Variants in CDR2 observed in about 807,000 individuals in gnomAD.
CDR2 encodes cerebellar degeneration-related protein 2.
In CDR2, 34 loss-of-function variants were observed where a neutral mutation model predicts 48.4. The ratio of observed to expected loss-of-function variants is 0.70; its 90% CI spans 0.53 to 0.94. The LOEUF is 0.94. Ranked by LOEUF, CDR2 falls within the 40% of genes least tolerant of loss-of-function variation. The probability of loss-of-function intolerance (pLI) is 0.00; values close to 1 mark genes in which losing one functional copy is unlikely to be tolerated. For synonymous variants in CDR2, 240 were observed against 219.7 expected, an observed-to-expected ratio of 1.09 and a Z score of -0.82; for missense variants, 498 against 549.5, an observed-to-expected ratio of 0.91 and a Z score of 0.94.
At position 22,347,739 on chromosome 16, in the gene CDR2, G is replaced by C. The variant is rs756234545; in HGVS notation, c.591C>G (p.His197Gln). The C allele has an allele frequency of 1.9e-6, 3 of 1,614,084 alleles. No individual in the cohort carries two copies. Among genetic ancestry groups the C allele is most frequent in the Non-Finnish European group, 2.5e-6 (3 of 1,180,028 alleles). Residue 197 changes from histidine (H) to glutamine (Q), a missense_variant, in exon 5 of 5, where the codon CAC becomes CAG. Coordinates refer to ENST00000268383, the MANE Select transcript of CDR2 (RefSeq NM_001802.2). ...GCAACATTGTCACTGTTTTTTTCAA[G>C]TGCTCATTTTCCTCTTCATCAGGGC... ...QPSPDEEENE[H>Q]LKKTVTMLQA...
In CDR2 at chr16:22,349,438, G is replaced by C; in HGVS notation, c.347C>G (p.Thr116Ser). 1 of 1,614,152 alleles carries C rather than the reference G, an allele frequency of 6.2e-7. No homozygotes were observed. The highest frequency in any genetic ancestry group is 8.5e-7 in the Non-Finnish European group (1 of 1,180,030). Residue 116 changes from threonine (T) to serine (S), a missense_variant, in exon 4 of 5, where the codon ACT (threonine) becomes AGT (serine). Physicochemically the swap from Thr to Ser is moderately conservative, Grantham distance 58. Coordinates refer to ENST00000268383, the MANE Select transcript of CDR2 (RefSeq NM_001802.2). ...GGTTTGCAGGCATTCAATCGTTTCAGTCAGGCTGTGAGGAACAGACAGAAG... is the reference window on the plus strand; with the variant it reads ...GGTTTGCAGGCATTCAATCGTTTCACTCAGGCTGTGAGGAACAGACAGAAG... ...KASQQKILSL[T>S]ETIECLQTNI...
At chr16:22,371,888 TG>T (rs1247220805) in intron 1 of CDR2, among the ~76,000 whole-genome samples, 1 of 149,386 alleles carries the variant, frequency 6.7e-6, no homozygotes. Context: ...GTGTGTGTTT[TG>T]AGAGGGAGTT....
chr16:22,370,850 A>G (rs1364852586), intron 1 of CDR2, among the ~76,000 whole-genome samples: 1 of 152,238 alleles, frequency 6.6e-6, no homozygotes, highest in East Asian at 1.9e-4. Flanking sequence ...CAATCTATTC[A>G]GAGCATGGCT....
intron 4 of CDR2, 67 bp from the exon 5 acceptor site, chr16:22,347,890 T>C (rs2048918316): frequency 2.1e-6 from 3 of 1,424,306 alleles, no homozygotes; most frequent in Non-Finnish European, 2.8e-6. Context: ...GGAAGACTGG[T>C]GATTTTTTTT....
rs1043074212 is a variant in CDR2 at position 22,346,197 on chromosome 16, T to A, written c.*768A>T. On this transcript the variant is annotated 3_prime_UTR_variant, in exon 5 of 5. Transcript: ENST00000268383. ...AGGTAGGAAGGGAAGGGGTTTGATC[T>A]TTCCCCTTTAGTTTGAATTTGAGAA... The A allele has an allele frequency of 6.6e-6, 1 of 152,424 alleles. No homozygotes were observed. The highest frequency in any genetic ancestry group is 1.5e-5 in the Non-Finnish European group (1 of 68,036). The allele number at this position is 152,424 out of a possible 1,614,324, so 9.4% of individuals were successfully genotyped here.
intron 1 of CDR2, among the ~76,000 whole-genome samples, chr16:22,369,341 G>C (rs182431976): frequency 2.0e-5 from 3 of 150,192 alleles, no homozygotes; most frequent in South Asian, 2.1e-4. Context: ...ACCTCTCCCA[G>C]AATCCAGACT....
chr16:22,373,698 TAC>T (rs1224616290), intron 1 of CDR2, among the ~76,000 whole-genome samples: 2 of 152,224 alleles, frequency 1.3e-5, no homozygotes, highest in African/African-American at 2.4e-5. Context: ...CACAAATATA[TAC>T]ACCTACCATG....
chr16:22,368,654 A>G (rs552850411), intron 1 of CDR2, among the ~76,000 whole-genome samples: 1 of 152,214 alleles, frequency 6.6e-6, no homozygotes. Flanking sequence ...AGAAACTCTT[A>G]GGTCAACAGG....
chr16:22,349,432 G>A lies in CDR2; in HGVS notation c.353C>T (p.Thr118Met), dbSNP rs147381999. ...SQQKILSLTETIECLQTNIDH... is the reference protein window; with the variant it reads ...SQQKILSLTEMIECLQTNIDH... ...AATGTTGGTTTGCAGGCATTCAATC[G>A]TTTCAGTCAGGCTGTGAGGAACAGA... Residue 118 changes from threonine (T) to methionine (M), a missense_variant, in exon 4 of 5, where the codon ACG (threonine) becomes ATG (methionine). Physicochemically the swap from Thr to Met is moderately conservative, Grantham distance 81 (BLOSUM62 -1). Transcript: ENST00000268383. 1.2e-5 allele frequency: 19 copies of A among 1,613,968 alleles called. No homozygotes were observed. The highest frequency in any genetic ancestry group is 4.4e-5 in the South Asian group (4 of 91,086).
In CDR2 at chr16:22,346,616, C is replaced by G. The variant is rs2048906496; in HGVS notation, c.*349G>C. 1 of 225,018 alleles carries G rather than the reference C, an allele frequency of 4.4e-6. No homozygotes were observed. The highest frequency in any genetic ancestry group is 8.8e-6 in the Non-Finnish European group (1 of 113,700). 13.9% of individuals were successfully genotyped at this position (225,018 alleles called of 1,614,324 possible). On this transcript the variant is annotated 3_prime_UTR_variant, in exon 5 of 5. Transcript: ENST00000268383. ...AAGGAAGCAATAGGAATTGCCTTAG[C>G]TTTGTTCTAACTCGACCCTTTTCCC...
intron 2 of CDR2, among the ~76,000 whole-genome samples, chr16:22,358,029 G>T (rs2048986338): frequency 6.6e-6 from 1 of 152,084 alleles, no homozygotes; most frequent in Non-Finnish European, 1.5e-5. Context: ...AGTTATAGGG[G>T]ACCTACAGAA....
chr16:22,366,023 G>A (rs905557141), intron 1 of CDR2, among the ~76,000 whole-genome samples: 3 of 152,138 alleles, frequency 2.0e-5, no homozygotes, highest in Non-Finnish European at 4.4e-5. Flanking sequence ...ATACATAAAG[G>A]AGTACTTTAC....
At chr16:22,370,483 T>C (rs1447431427) in intron 1 of CDR2, among the ~76,000 whole-genome samples, 1 of 152,136 alleles carries the variant, frequency 6.6e-6, no homozygotes, top group African/African-American at 2.4e-5. Flanking sequence ...CAAATGACAA[T>C]AGCAGCTGGT....
At chr16:22,365,183 C>T in intron 1 of CDR2, 169 bp from the exon 2 acceptor site, 1 of 566,636 alleles carries the variant, frequency 1.8e-6, no homozygotes, top group Non-Finnish European at 3.2e-6. Flanking sequence ...ACTGACGCCT[C>T]CAGCAGGTAA....
At chr16:22,371,076 T>C (rs989395469) in intron 1 of CDR2, among the ~76,000 whole-genome samples, 1 of 152,072 alleles carries the variant, frequency 6.6e-6, no homozygotes, top group African/African-American at 2.4e-5. Context: ...CTGGGTGTGG[T>C]GGCACGTGTC....
At chr16:22,359,301 A>G (rs905620036) in intron 2 of CDR2, among the ~76,000 whole-genome samples, 1 of 151,794 alleles carries the variant, frequency 6.6e-6, no homozygotes, top group Non-Finnish European at 1.5e-5. Flanking sequence ...TAATTTTTCT[A>G]TTTTTAGCAG....
At position 22,346,616 on chromosome 16, in the gene CDR2, C is replaced by T. The variant is rs2048906496; in HGVS notation, c.*349G>A. 1 of 225,018 alleles carries T rather than the reference C, an allele frequency of 4.4e-6. No individual in the cohort carries two copies. The highest frequency in any genetic ancestry group is 8.8e-6 in the Non-Finnish European group (1 of 113,700). 13.9% of individuals were successfully genotyped at this position (225,018 alleles called of 1,614,324 possible). A position where few individuals can be genotyped will look rare whatever the true frequency, so the allele number is the denominator to read the frequency against. Reference sequence around the variant, plus strand: ...AAGGAAGCAATAGGAATTGCCTTAGCTTTGTTCTAACTCGACCCTTTTCCC... The same window carrying T: ...AAGGAAGCAATAGGAATTGCCTTAGTTTTGTTCTAACTCGACCCTTTTCCC... On this transcript the variant is annotated 3_prime_UTR_variant, in exon 5 of 5. Coordinates refer to ENST00000268383, the MANE Select transcript of CDR2 (RefSeq NM_001802.2).
chr16:22,361,556 G>C (rs1413191139), intron 2 of CDR2, among the ~76,000 whole-genome samples: 1 of 152,208 alleles, frequency 6.6e-6, no homozygotes, highest in East Asian at 1.9e-4. Flanking sequence ...TTGTGATGGA[G>C]CAGGCAGCAA....
intron 2 of CDR2, among the ~76,000 whole-genome samples, chr16:22,356,739 G>C (rs1450712997): frequency 1.3e-5 from 2 of 151,848 alleles, no homozygotes; most frequent in African/African-American, 2.4e-5. Context: ...GGGGACAAGA[G>C]CAAGACTTTG....
Sources: allele counts gnomAD v4.1 joint callset (sites outside exome capture counted in the v4.1 genomes callset), GRCh38; gene constraint gnomAD v4.1.1; transcripts MANE v1.5; gene names NCBI Gene and HGNC (gene_info 2026-07-23, HGNC 2026-07-21).